Variants in HS3ST3A1 observed in about 807,000 individuals in gnomAD.
HS3ST3A1 encodes heparan sulfate glucosamine 3-O-sulfotransferase 3A1.
A neutral mutation model predicts 25.7 loss-of-function variants in HS3ST3A1; 19 were observed. The ratio of observed to expected loss-of-function variants is 0.74; its 90% CI spans 0.52 to 1.08. The LOEUF is 1.08. Ranked by LOEUF, HS3ST3A1 falls within the 50% of genes least tolerant of loss-of-function variation. The pLI is 0.00. For missense variants in HS3ST3A1, 459 were observed against 594.3 expected, an observed-to-expected ratio of 0.77 and a Z score of 2.37; for synonymous variants, 226 against 278.6, an observed-to-expected ratio of 0.81 and a Z score of 1.88.
Position 13,589,741 on chromosome 17 carries a change from T to A in HS3ST3A1, c.599+10790A>T, listed in dbSNP as rs547665717. ...TTAAAGCTTTGTCTGTGAAATGAAA[T>A]CACTGCATCGTGGCAGCGTTTTTTC... On this transcript the variant is annotated intron_variant, in intron 1 of 1. Coordinates refer to ENST00000284110, the MANE Select transcript of HS3ST3A1 (RefSeq NM_006042.3). Among the ~76,000 whole-genome samples the A allele has an allele frequency of 2.9e-3, 440 of 152,282 alleles. 1 individual carries two copies. The highest frequency in any genetic ancestry group is 0.01 in the African/African-American group (417 of 41,562).
At chr17:13,528,520 A>T (rs1567615094) in intron 1 of HS3ST3A1, among the ~76,000 whole-genome samples, 1 of 152,040 alleles carries the variant, frequency 6.6e-6, no homozygotes, top group Non-Finnish European at 1.5e-5. Context: ...AGAGTTCCCC[A>T]TTGGTCTGGC....
chr17:13,512,268 C>T lies in HS3ST3A1; in HGVS notation c.600-15450G>A, dbSNP rs1364016221. Among the ~76,000 whole-genome samples, 3 of 142,060 alleles carry T rather than the reference C, an allele frequency of 2.1e-5. No homozygotes were observed. In the Admixed American group the frequency reaches 2.2e-4, roughly 10 times the overall value. 93.2% of individuals were successfully genotyped at this position (142,060 alleles called of 152,430 possible). A position where few individuals can be genotyped will look rare whatever the true frequency, so the allele number is the denominator to read the frequency against. ...GAGCCGAGATTGCGCCACTGCAGTC[C>T]GCAGTCCGGCCTGGGCGACAGAGCG... On this transcript the variant is annotated intron_variant, in intron 1 of 1. Transcript: ENST00000284110.
In HS3ST3A1 at chr17:13,562,833, T is replaced by A. The variant is rs559353263; in HGVS notation, c.599+37698A>T. Among the ~76,000 whole-genome samples the A allele has an allele frequency of 4.6e-5, 7 of 152,206 alleles. 1 individual carries two copies. In the South Asian group the frequency reaches 1.5e-3, roughly 32 times the overall value. On this transcript the variant is annotated intron_variant, in intron 1 of 1. Transcript: ENST00000284110. The stretch of plus-strand genomic sequence containing the variant: ...CCCTGTGACCGTAAACCATCTTATA[T>A]TTACTATGACAGGACAGTATTTGAG...
intron 1 of HS3ST3A1, among the ~76,000 whole-genome samples, chr17:13,570,138 A>T (rs1477173609): frequency 1.3e-5 from 2 of 151,744 alleles, no homozygotes; most frequent in Non-Finnish European, 2.9e-5. Context: ...TTCTCACCAC[A>T]TTTGAGAGAT....
At chr17:13,598,365 T>A (rs1325657772) in intron 1 of HS3ST3A1, among the ~76,000 whole-genome samples, 1 of 152,178 alleles carries the variant, frequency 6.6e-6, no homozygotes, top group Non-Finnish European at 1.5e-5. Context: ...CATTAAATAA[T>A]CACATAATCC....
rs72822891 is a variant in HS3ST3A1, at chr17:13,525,431, G to T, written c.600-28613C>A. 2.6e-3 allele frequency among the ~76,000 whole-genome samples: 393 copies of T among 150,690 alleles called. 5 individuals carry two copies. In the South Asian group the frequency reaches 0.037, roughly 14 times the overall value. ...TTTTCCTCTGAGGCAACCTGTTTTT[G>T]TCATCTAGATAATTGCAGGGTTTTT... On this transcript the variant is annotated intron_variant, in intron 1 of 1. Coordinates refer to ENST00000284110, the MANE Select transcript of HS3ST3A1 (RefSeq NM_006042.3).
At chr17:13,561,204 C>T (rs1342001445) in intron 1 of HS3ST3A1, among the ~76,000 whole-genome samples, 1 of 152,070 alleles carries the variant, frequency 6.6e-6, no homozygotes, top group Non-Finnish European at 1.5e-5. Flanking sequence ...TAACAAGCAG[C>T]CAGAATTGAG....
intron 1 of HS3ST3A1, among the ~76,000 whole-genome samples, chr17:13,585,990 G>C (rs959611845): frequency 2.0e-5 from 3 of 151,258 alleles, no homozygotes; most frequent in South Asian, 2.1e-4. Context: ...CTGGGACTAC[G>C]GGCGCGGACT....
At chr17:13,551,065 T>TG (rs766280178) in intron 1 of HS3ST3A1, among the ~76,000 whole-genome samples, 1 of 26,966 alleles carries the variant, frequency 3.7e-5, no homozygotes, top group Non-Finnish European at 6.9e-5. Flanking sequence ...AGACTCTGTC[T>TG]CAAAAAAAAA....
rs1048030513 is a variant in HS3ST3A1 at position 13,580,690 on chromosome 17, G to A, written c.599+19841C>T. On this transcript the variant is annotated intron_variant, in intron 1 of 1. Coordinates refer to ENST00000284110, the MANE Select transcript of HS3ST3A1 (RefSeq NM_006042.3). ...GGCAGATCACCTGAGGTCGGAGTTCGAGATCAGCCTGACCAACATGGAGAA... is the reference window on the plus strand; with the variant it reads ...GGCAGATCACCTGAGGTCGGAGTTCAAGATCAGCCTGACCAACATGGAGAA... Among the ~76,000 whole-genome samples, 6 of 151,990 alleles carry A rather than the reference G, an allele frequency of 3.9e-5. No individual in the cohort carries two copies. The South Asian group carries it at 1.0e-3, about 26-fold the overall frequency.
chr17:13,534,113 C>T (rs1293772418), intron 1 of HS3ST3A1, among the ~76,000 whole-genome samples: 1 of 152,120 alleles, frequency 6.6e-6, no homozygotes, highest in Non-Finnish European at 1.5e-5. Context: ...AGGATGAATG[C>T]ATGATGTGGA....
At chr17:13,577,399 C>T (rs1006499227) in intron 1 of HS3ST3A1, among the ~76,000 whole-genome samples, 1 of 152,206 alleles carries the variant, frequency 6.6e-6, no homozygotes, top group Non-Finnish European at 1.5e-5. Flanking sequence ...TGCTTTCTGA[C>T]TGCCTCATGA....
At chr17:13,583,242 G>A (rs942196171) in intron 1 of HS3ST3A1, among the ~76,000 whole-genome samples, 1 of 151,978 alleles carries the variant, frequency 6.6e-6, no homozygotes, top group Non-Finnish European at 1.5e-5. Flanking sequence ...CTTCATGTTG[G>A]CCTCTTTGCC....
rs1355775953 is a variant in HS3ST3A1 at position 13,495,095 on chromosome 17, A to G, written c.*1102T>C. On this transcript the variant is annotated 3_prime_UTR_variant, in exon 2 of 2. Coordinates refer to ENST00000284110, the MANE Select transcript of HS3ST3A1 (RefSeq NM_006042.3). ...TTCTCTCTTTAAAAAGAGGTAAACT[A>G]AAAAACAAATGAGACTCATACCTGT... Among the ~76,000 whole-genome samples the G allele has an allele frequency of 6.6e-6, 1 of 152,214 alleles. No individual in the cohort carries two copies. The highest frequency in any genetic ancestry group is 1.9e-4 in the East Asian group (1 of 5,200).
At chr17:13,580,980 T>C (rs1908097744) in intron 1 of HS3ST3A1, among the ~76,000 whole-genome samples, 1 of 152,214 alleles carries the variant, frequency 6.6e-6, no homozygotes, top group South Asian at 2.1e-4. Context: ...TGCTTGTGTA[T>C]TCCTGTGAGG....
chr17:13,523,029 G>T (rs1246869666), intron 1 of HS3ST3A1, among the ~76,000 whole-genome samples: 2 of 152,074 alleles, frequency 1.3e-5, no homozygotes, highest in African/African-American at 4.8e-5. Flanking sequence ...AAAAAAAATA[G>T]AAAAGGGTCA....
At chr17:13,562,421 G>A (rs921523909) in intron 1 of HS3ST3A1, among the ~76,000 whole-genome samples, 3 of 152,178 alleles carry the variant, frequency 2.0e-5, no homozygotes, top group African/African-American at 7.2e-5. Flanking sequence ...ACGAGGGACA[G>A]CGGGTGGGGG....
chr17:13,530,652 T>G (rs950039059), intron 1 of HS3ST3A1, among the ~76,000 whole-genome samples: 2 of 152,112 alleles, frequency 1.3e-5, no homozygotes, highest in African/African-American at 4.8e-5. Context: ...TTTGTAAGAC[T>G]TGGGGGAGCC....
rs1411574286 is a variant in HS3ST3A1 at position 13,574,182 on chromosome 17, G to A, written c.599+26349C>T. Reference sequence around the variant, plus strand: ...GGAGTCTCACTCTATCACTCAGGCTGGAGTACAGTGGCGCGATCTCAGCTC... The same window carrying A: ...GGAGTCTCACTCTATCACTCAGGCTAGAGTACAGTGGCGCGATCTCAGCTC... On this transcript the variant is annotated intron_variant, in intron 1 of 1. Transcript: ENST00000284110. Among the ~76,000 whole-genome samples, 5 of 142,696 alleles carry A rather than the reference G, an allele frequency of 3.5e-5. No individual in the cohort carries two copies. In the Admixed American group the frequency reaches 3.6e-4, roughly 10 times the overall value. The allele number at this position is 142,696 out of a possible 152,430, so 93.6% of individuals were successfully genotyped here.
Sources: gnomAD v4.1 joint callset for allele counts (sites outside exome capture counted in the v4.1 genomes callset) on GRCh38, gnomAD v4.1.1 for gene constraint, MANE v1.5 for transcripts, NCBI Gene and HGNC (gene_info 2026-07-23, HGNC 2026-07-21) for gene names.